FOXN3: variants seen among roughly 807,000 people sequenced by gnomAD.
FOXN3 encodes forkhead box N3.
Under a neutral mutation model 38.4 loss-of-function variants are expected in FOXN3, and 7 were observed. The observed-to-expected ratio is 0.18, with a 90% CI of 0.10 to 0.34. The LOEUF (loss-of-function observed/expected upper bound fraction) is 0.34, where lower values mean the gene tolerates loss of function less well. Among genes scored for constraint, FOXN3 ranks in the 10% least tolerant of loss-of-function variants. FOXN3 has a pLI of 1.00. For missense variants in FOXN3, 456 were observed against 613.4 expected (o/e 0.74, Z 2.71); for synonymous variants, 230 against 242.2 (o/e 0.95, Z 0.47).
chr14:89,233,009 G>A (rs1292625182), intron 4 of FOXN3, among the ~76,000 whole-genome samples: 2 of 152,174 alleles, frequency 1.3e-5, no homozygotes, highest in African/African-American at 2.4e-5. Context: ...CTTTCAGCCT[G>A]TGCTGCCGAG....
chr14:89,469,056 C>T (rs770615681), intron 1 of FOXN3, among the ~76,000 whole-genome samples: 1 of 152,170 alleles, frequency 6.6e-6, no homozygotes, highest in Admixed American at 6.5e-5. Flanking sequence ...AAGCAAGTGA[C>T]AAAATGGCAC....
At position 89,289,818 on chromosome 14, in the gene FOXN3, T is replaced by C. The variant is rs568565642; in HGVS notation, c.681-8804A>G. On this transcript the variant is annotated intron_variant, in intron 3 of 5. Coordinates refer to ENST00000557258, the MANE Select transcript of FOXN3 (RefSeq NM_005197.4). ...CAGGGCACATTACTACTACATCATATTGAAATTGTCTAAAAGATAAAAATG... is the reference window on the plus strand; with the variant it reads ...CAGGGCACATTACTACTACATCATACTGAAATTGTCTAAAAGATAAAAATG... Among the ~76,000 whole-genome samples, 14 of 152,314 alleles carry C rather than the reference T, an allele frequency of 9.2e-5. No homozygotes were observed. The South Asian group carries it at 1.2e-3, about 14-fold the overall frequency.
intron 4 of FOXN3, among the ~76,000 whole-genome samples, chr14:89,263,356 G>GA (rs1885867451): frequency 6.7e-6 from 1 of 149,498 alleles, no homozygotes. Flanking sequence ...ATGAATTTTT[G>GA]AAGAAAAAAA....
At chr14:89,355,863 C>G (rs369055142) in intron 2 of FOXN3, among the ~76,000 whole-genome samples, 1 of 152,046 alleles carries the variant, frequency 6.6e-6, no homozygotes, top group African/African-American at 2.4e-5. Context: ...AGAAAGCCCC[C>G]TATTAGCAAC....
rs1453520989 is a variant in FOXN3 at position 89,230,792 on chromosome 14, C to T, written c.746-49986G>A. On this transcript the variant is annotated intron_variant, in intron 4 of 5. Transcript: ENST00000557258. The stretch of plus-strand genomic sequence containing the variant: ...AAACATTCTTGGATAGTAGAGGTCA[C>T]ATCTGCTTTAAATTCTGTAACCCTC... The T allele has an allele frequency of 6.8e-6, 3 of 442,798 alleles. No individual in the cohort carries two copies. The Admixed American group carries it at 7.3e-5, about 11-fold the overall frequency. 27.4% of individuals were successfully genotyped at this position (442,798 alleles called of 1,614,324 possible). A position where few individuals can be genotyped will look rare whatever the true frequency, so the allele number is the denominator to read the frequency against.
chr14:89,174,385 A>C (rs1887466208), intron 5 of FOXN3, among the ~76,000 whole-genome samples: 1 of 152,160 alleles, frequency 6.6e-6, no homozygotes, highest in Non-Finnish European at 1.5e-5. Flanking sequence ...CTCAGTGGTA[A>C]TATCCAGGGG....
At chr14:89,228,399 G>C (rs1884705956) in intron 4 of FOXN3, among the ~76,000 whole-genome samples, 1 of 152,164 alleles carries the variant, frequency 6.6e-6, no homozygotes, top group African/African-American at 2.4e-5. Flanking sequence ...AAAACTTGGT[G>C]ACATCTGGGA....
intron 5 of FOXN3, among the ~76,000 whole-genome samples, chr14:89,178,304 C>T (rs772380124): frequency 2.0e-5 from 3 of 152,124 alleles, no homozygotes; most frequent in Non-Finnish European, 2.9e-5. Flanking sequence ...CCAATGTGCC[C>T]GGCCTCGGCG....
chr14:89,578,385 C>G (rs10142749), intron 1 of FOXN3, among the ~76,000 whole-genome samples: 4 of 152,014 alleles, frequency 2.6e-5, no homozygotes, highest in African/African-American at 4.8e-5. Context: ...TCTTCTACCC[C>G]CTCTCTCTGG....
At chr14:89,221,574 T>A (rs1381472422) in intron 4 of FOXN3, among the ~76,000 whole-genome samples, 1 of 152,204 alleles carries the variant, frequency 6.6e-6, no homozygotes, top group Non-Finnish European at 1.5e-5. Flanking sequence ...TTCTGATTTT[T>A]CTTCAACACA....
At chr14:89,350,526 G>T in intron 3 of FOXN3, 146 bp downstream of exon 3, 2 of 645,828 alleles carry the variant, frequency 3.1e-6, no homozygotes, top group Non-Finnish European at 4.9e-6. Flanking sequence ...CAGTGGATAT[G>T]CCTCCTAATA....
chr14:89,278,920 T>C (rs568077604), intron 4 of FOXN3, among the ~76,000 whole-genome samples: 1 of 152,282 alleles, frequency 6.6e-6, no homozygotes, highest in East Asian at 1.9e-4. Context: ...CTTCTTTAGG[T>C]ACTCATATCT....
intron 1 of FOXN3, among the ~76,000 whole-genome samples, chr14:89,428,735 C>T (rs926672219): frequency 2.6e-5 from 4 of 152,240 alleles, no homozygotes; most frequent in Admixed American, 6.5e-5. Flanking sequence ...TCGCAGCAGA[C>T]GTCAGAGAGA....
chr14:89,544,757 GGGT>G (rs1272011216), intron 1 of FOXN3, among the ~76,000 whole-genome samples: 1 of 152,118 alleles, frequency 6.6e-6, no homozygotes, highest in Admixed American at 6.6e-5. Context: ...GACAGCTACT[GGGT>G]GACTTACAGA....
chr14:89,554,309 T>C (rs1022465675), intron 1 of FOXN3, among the ~76,000 whole-genome samples: 4 of 152,040 alleles, frequency 2.6e-5, no homozygotes, highest in Admixed American at 1.3e-4. Context: ...CTACTATGTT[T>C]TGATTTTTTC....
upstream of FOXN3, among the ~76,000 whole-genome samples, chr14:89,420,021 G>C (rs1891859207): frequency 6.6e-6 from 1 of 152,048 alleles, no homozygotes; most frequent in East Asian, 1.9e-4. Flanking sequence ...TATATGAGAG[G>C]AAATACGGGG....
At chr14:89,401,245 C>T (rs1891236737) in intron 2 of FOXN3, among the ~76,000 whole-genome samples, 1 of 152,110 alleles carries the variant, frequency 6.6e-6, no homozygotes, top group Admixed American at 6.5e-5. Context: ...AGTTCAAGAC[C>T]AGCCTGGCCA....
rs1283913214 is a variant in FOXN3 at position 89,605,959 on chromosome 14, T to TA, written c.-15+13068dup. Among the ~76,000 whole-genome samples, 11 of 151,220 alleles carry TA rather than the reference T, an allele frequency of 7.3e-5. No individual in the cohort carries two copies. In the East Asian group the frequency reaches 1.8e-3, roughly 24 times the overall value. On this transcript the variant is annotated intron_variant, in intron 1 of 6. Transcript: ENST00000345097. Reference sequence around the variant, plus strand: ...GCAAGACCCCATCTCTACTAAAAAGTAAAAAAACTGGCCAGGTGTGGTAGT... The same window carrying TA: ...GCAAGACCCCATCTCTACTAAAAAGTAAAAAAAACTGGCCAGGTGTGGTAGT...
intron 2 of FOXN3, among the ~76,000 whole-genome samples, chr14:89,399,074 G>A (rs1891177580): frequency 6.6e-6 from 1 of 152,202 alleles, no homozygotes; most frequent in Admixed American, 6.5e-5. Flanking sequence ...TCAGACTCAA[G>A]CCCCAGCCCA....
Sources: gnomAD v4.1 joint callset for allele counts (sites outside exome capture counted in the v4.1 genomes callset) on GRCh38, gnomAD v4.1.1 for gene constraint, MANE v1.5 for transcripts, NCBI Gene and HGNC (gene_info 2026-07-23, HGNC 2026-07-21) for gene names.